Variants in CWH43 observed in about 807,000 individuals in gnomAD.
The protein encoded by CWH43 is PGAP2-interacting protein.
CWH43 carries 91 observed loss-of-function variants against 85.7 expected under a neutral mutation model. That is an observed-to-expected ratio of 1.06 (90% CI 0.90 to 1.26). The LOEUF is 1.26. Ranked by LOEUF, CWH43 falls within the 50% of genes most tolerant of loss-of-function variation. The pLI is 0.00. For synonymous variants in CWH43, 323 were observed against 293.6 expected (o/e 1.10, Z -1.02); for missense variants, 869 against 839.2 (o/e 1.04, Z -0.44).
intron 9 of CWH43, among the ~76,000 whole-genome samples, chr4:49,028,410 T>C (rs1161751249): frequency 6.6e-6 from 1 of 152,180 alleles, no homozygotes; most frequent in East Asian, 1.9e-4. Context: ...CAAACATCCC[T>C]CCTAACTTCC....
chr4:49,004,277 C>T (rs1390614333), intron 7 of CWH43, among the ~76,000 whole-genome samples: 1 of 152,176 alleles, frequency 6.6e-6, no homozygotes, highest in Admixed American at 6.5e-5. Flanking sequence ...AAAGCGTAAA[C>T]AATGTAACAC....
At chr4:49,019,578 GT>G (rs909028417) in intron 9 of CWH43, among the ~76,000 whole-genome samples, 107 of 148,434 alleles carry the variant, frequency 7.2e-4, no homozygotes, top group South Asian at 2.2e-3. Context: ...AATGTCAATA[GT>G]TTTTTTTTTA....
At chr4:49,047,806 T>C (rs1356859096) in intron 14 of CWH43, among the ~76,000 whole-genome samples, 1 of 152,170 alleles carries the variant, frequency 6.6e-6, no homozygotes, top group Non-Finnish European at 1.5e-5. Context: ...AGTAAAATAG[T>C]GACCTTACTC....
chr4:49,048,305 G>A (rs1173147364), intron 14 of CWH43, among the ~76,000 whole-genome samples: 17 of 149,294 alleles, frequency 1.1e-4, no homozygotes, highest in Non-Finnish European at 1.6e-4. Context: ...CTCTGTGTGT[G>A]TATATATATA....
At chr4:49,030,693 C>A in intron 10 of CWH43, 132 bp from the exon 11 acceptor site, 1 of 715,348 alleles carries the variant, frequency 1.4e-6, no homozygotes, top group Non-Finnish European at 2.1e-6. Context: ...TCTAGTGACT[C>A]ACTAATAATT....
At chr4:49,055,494 A>G (rs1194295610) in intron 15 of CWH43, among the ~76,000 whole-genome samples, 1 of 152,120 alleles carries the variant, frequency 6.6e-6, no homozygotes, top group Non-Finnish European at 1.5e-5. Context: ...TGGCTTTGGT[A>G]TCAGGCTAAT....
At chr4:49,025,937 C>A (rs1452801709) in intron 9 of CWH43, among the ~76,000 whole-genome samples, 1 of 152,094 alleles carries the variant, frequency 6.6e-6, no homozygotes, top group Non-Finnish European at 1.5e-5. Context: ...TTTTCTTCAG[C>A]TACCAGGGCC....
At chr4:49,033,323 A>G (rs1784160689) in intron 12 of CWH43, among the ~76,000 whole-genome samples, 1 of 152,214 alleles carries the variant, frequency 6.6e-6, no homozygotes, top group Admixed American at 6.5e-5. Context: ...CACTTTGAAT[A>G]CTGATAAGCC....
chr4:49,054,648 G>A (rs1784897035), intron 15 of CWH43, among the ~76,000 whole-genome samples: 1 of 152,064 alleles, frequency 6.6e-6, no homozygotes, highest in Non-Finnish European at 1.5e-5. Flanking sequence ...AACACCAGAT[G>A]TGTTTCCATT....
chr4:49,003,878 A>G lies in CWH43; in HGVS notation c.946A>G (p.Met316Val), dbSNP rs1290344104. 3 of 1,614,010 alleles carry G rather than the reference A, an allele frequency of 1.9e-6. No individual in the cohort carries two copies. The highest frequency in any genetic ancestry group is 2.2e-5 in the East Asian group (1 of 44,876). Residue 316 changes from methionine to valine, a missense_variant, in exon 7 of 16, where the codon ATG becomes GTG. Around this residue, in one of 3 missense-constraint regions of CWH43, gnomAD observed 577 missense variants for 513.1 expected, o/e 1.12. Coordinates refer to ENST00000226432, the MANE Select transcript of CWH43 (RefSeq NM_025087.3). The stretch of plus-strand genomic sequence containing the variant: ...CTCAGGGACAAACCCTGGGAAAACC[A>G]TGACCATTGCCATGATATTTTATCT... ...INSGTNPGKT[M>V]TIAMIFYLLE...
chr4:49,015,240 G>T (rs1229641024), intron 8 of CWH43, among the ~76,000 whole-genome samples: 1 of 146,876 alleles, frequency 6.8e-6, no homozygotes, highest in East Asian at 2.0e-4. Context: ...TTTTCTTTTT[G>T]ATATTTTTTT....
intron 15 of CWH43, among the ~76,000 whole-genome samples, chr4:49,051,172 G>A (rs774118825): frequency 6.6e-6 from 1 of 152,132 alleles, no homozygotes; most frequent in South Asian, 2.1e-4. Flanking sequence ...CCCAGACCCT[G>A]TTATAGGTGC....
intron 3 of CWH43, 98 bp downstream of exon 3, chr4:48,991,672 C>A: frequency 1.5e-6 from 2 of 1,369,952 alleles, no homozygotes; most frequent in Non-Finnish European, 2.0e-6. Context: ...TTTTTACCTT[C>A]CATATGGCTT....
chr4:49,006,987 C>T (rs963574791), intron 7 of CWH43: 57 of 395,620 alleles, frequency 1.4e-4, no homozygotes, highest in Non-Finnish European at 2.2e-4. Flanking sequence ...AGGCTGGGGT[C>T]CTGTCATTTA....
intron 15 of CWH43, among the ~76,000 whole-genome samples, chr4:49,052,743 C>G (rs1223754644): frequency 2.6e-5 from 4 of 152,182 alleles, no homozygotes; most frequent in Non-Finnish European, 4.4e-5. Context: ...AAATAGAAGG[C>G]ATGCCTTAAT....
intron 8 of CWH43, among the ~76,000 whole-genome samples, chr4:49,015,822 T>C (rs1313180619): frequency 1.3e-5 from 2 of 152,180 alleles, no homozygotes; most frequent in African/African-American, 4.8e-5. Context: ...ATTATTATAA[T>C]TATCTTTTTA....
At chr4:49,045,462 A>G (rs1245747277) in intron 14 of CWH43, among the ~76,000 whole-genome samples, 2 of 152,206 alleles carry the variant, frequency 1.3e-5, no homozygotes, top group African/African-American at 4.8e-5. Flanking sequence ...CACATCTACA[A>G]TGGTAGTTGA....
At chr4:49,020,384 T>TACACACACACACAC (rs35489918) in intron 9 of CWH43, among the ~76,000 whole-genome samples, 76 of 120,138 alleles carry the variant, frequency 6.3e-4, no homozygotes, top group Admixed American at 6.9e-4. Flanking sequence ...AGTATTCCAT[T>TACACACACACACAC]ACACACACAC....
At chr4:49,024,307 T>C (rs1783838603) in intron 9 of CWH43, among the ~76,000 whole-genome samples, 1 of 152,216 alleles carries the variant, frequency 6.6e-6, no homozygotes, top group Non-Finnish European at 1.5e-5. Context: ...CTGCATTCTA[T>C]ATCTTTTAAA....
Sources: allele counts gnomAD v4.1 joint callset (sites outside exome capture counted in the v4.1 genomes callset), GRCh38; gene constraint gnomAD v4.1.1; regional missense constraint gnomAD v4.1.1; transcripts MANE v1.5; gene names NCBI Gene and HGNC (gene_info 2026-07-23, HGNC 2026-07-21).